The following RGL1 variants were observed in gnomAD, a reference collection of about 807,000 sequenced individuals.
RGL1 encodes the protein ral guanine nucleotide dissociation stimulator like 1.
In RGL1, 24 loss-of-function variants were observed where a neutral mutation model predicts 95.2. That is an observed-to-expected ratio of 0.25 (90% CI 0.18 to 0.35). The LOEUF (loss-of-function observed/expected upper bound fraction) is 0.35. Among genes scored for constraint, RGL1 ranks in the 10% least tolerant of loss-of-function variants. The probability of loss-of-function intolerance (pLI) is 1.00; values close to 1 mark genes in which losing one functional copy is unlikely to be tolerated. For synonymous variants in RGL1, 329 were observed against 344.9 expected (o/e 0.95, Z 0.51); for missense variants, 715 against 936.3 (o/e 0.76, Z 3.08).
chr1:183,788,301 T>A (rs1337890569), intron 2 of RGL1, among the ~76,000 whole-genome samples: 2 of 152,092 alleles, frequency 1.3e-5, no homozygotes, highest in East Asian at 3.9e-4. Flanking sequence ...CCAAGCACAT[T>A]AAAAGATGAG....
At chr1:183,779,337 C>T (rs1451181800) in intron 2 of RGL1, among the ~76,000 whole-genome samples, 1 of 151,952 alleles carries the variant, frequency 6.6e-6, no homozygotes, top group Non-Finnish European at 1.5e-5. Flanking sequence ...CAACCTCTGC[C>T]TCCTGGGTTC....
chr1:183,846,711 C>T (rs1203449926), intron 2 of RGL1, among the ~76,000 whole-genome samples: 1 of 151,938 alleles, frequency 6.6e-6, no homozygotes, highest in Non-Finnish European at 1.5e-5. Flanking sequence ...GAAAACCTGT[C>T]TCTCCTAAAA....
intron 4 of RGL1, among the ~76,000 whole-genome samples, chr1:183,878,033 TAGA>T (rs1294540778): frequency 6.6e-6 from 1 of 152,154 alleles, no homozygotes; most frequent in African/African-American, 2.4e-5. Flanking sequence ...TGCCTTCCAG[TAGA>T]AGAATACTTA....
intron 2 of RGL1, among the ~76,000 whole-genome samples, chr1:183,791,699 GAT>G (rs1660448342): frequency 6.6e-6 from 1 of 152,148 alleles, no homozygotes; most frequent in African/African-American, 2.4e-5. Flanking sequence ...AGCATCTTTT[GAT>G]AAGTGTGGAA....
chr1:183,774,765 G>A (rs1047518695), intron 2 of RGL1, among the ~76,000 whole-genome samples: 1 of 151,876 alleles, frequency 6.6e-6, no homozygotes, highest in South Asian at 2.1e-4. Context: ...TAGTAGAGAC[G>A]GGGTGTCACC....
At chr1:183,735,744 G>GGAATCTGT (rs1177187970) in intron 1 of RGL1, among the ~76,000 whole-genome samples, 2 of 152,206 alleles carry the variant, frequency 1.3e-5, no homozygotes, top group Non-Finnish European at 2.9e-5. Flanking sequence ...CAGGGCAGTA[G>GGAATCTGT]GAATCTGTCT....
chr1:183,713,388 C>G (rs868331380), intron 1 of RGL1, among the ~76,000 whole-genome samples: 21 of 130,150 alleles, frequency 1.6e-4, no homozygotes, highest in Non-Finnish European at 2.8e-4. Flanking sequence ...CCCCCCCCCC[C>G]GCTTTTATAA....
Position 183,903,688 on chromosome 1 carries a change from A to G in RGL1, c.1350+1088A>G, listed in dbSNP as rs570681466. ...CAACCTGAAAAGGGTTTGTGAGCAG[A>G]AGTAGTGGGTGTTAGAGAAGTATAT... On this transcript the variant is annotated intron_variant, in intron 12 of 17. Coordinates refer to ENST00000360851, the MANE Select transcript of RGL1 (RefSeq NM_001297671.3). Among the ~76,000 whole-genome samples the G allele has an allele frequency of 3.9e-5, 6 of 152,320 alleles. No individual in the cohort carries two copies. In the South Asian group the frequency reaches 1.2e-3, roughly 32 times the overall value.
intron 2 of RGL1, among the ~76,000 whole-genome samples, chr1:183,764,634 A>C (rs934423948): frequency 2.0e-5 from 3 of 152,170 alleles, no homozygotes; most frequent in Non-Finnish European, 2.9e-5. Flanking sequence ...TCTATTTATC[A>C]GTTCCTCAAT....
chr1:183,696,432 G>A (rs1386638790), intron 1 of RGL1, among the ~76,000 whole-genome samples: 1 of 152,168 alleles, frequency 6.6e-6, no homozygotes, highest in Non-Finnish European at 1.5e-5. Flanking sequence ...GCATAGGAAG[G>A]AAGTTAATCC....
chr1:183,759,348 A>T (rs1030116751), intron 2 of RGL1, among the ~76,000 whole-genome samples: 3 of 152,184 alleles, frequency 2.0e-5, no homozygotes, highest in Non-Finnish European at 4.4e-5. Flanking sequence ...TTTCTGCTAT[A>T]GGAGTAGTTT....
At chr1:183,836,269 A>G (rs1172122091) in intron 2 of RGL1, among the ~76,000 whole-genome samples, 3 of 150,774 alleles carry the variant, frequency 2.0e-5, no homozygotes, top group African/African-American at 7.4e-5. Flanking sequence ...TTTTTTTTTT[A>G]GACGGAGTTT....
At chr1:183,909,568 C>T (rs1668529239) in intron 14 of RGL1, among the ~76,000 whole-genome samples, 2 of 152,148 alleles carry the variant, frequency 1.3e-5, no homozygotes, top group South Asian at 4.1e-4. Flanking sequence ...CCCTGTAATG[C>T]TCCTGTAATG....
upstream of RGL1, chr1:183,805,102 G>T: frequency 1.8e-6 from 1 of 542,604 alleles, no homozygotes. Flanking sequence ...TTGCTCGCTC[G>T]CTCGCCGCGC....
At chr1:183,826,418 G>C (rs1307848702) in intron 2 of RGL1, among the ~76,000 whole-genome samples, 1 of 152,122 alleles carries the variant, frequency 6.6e-6, no homozygotes, top group Non-Finnish European at 1.5e-5. Flanking sequence ...TTGATTGATT[G>C]ATTGCTGCTT....
At chr1:183,839,106 G>A (rs1663860545) in intron 2 of RGL1, among the ~76,000 whole-genome samples, 1 of 152,202 alleles carries the variant, frequency 6.6e-6, no homozygotes, top group African/African-American at 2.4e-5. Context: ...ATGTGCAAGT[G>A]CCTCTTCTGG....
chr1:183,889,865 A>T (rs574616772), intron 8 of RGL1, among the ~76,000 whole-genome samples: 2 of 152,314 alleles, frequency 1.3e-5, no homozygotes, highest in East Asian at 3.9e-4. Flanking sequence ...TTCAAAGACC[A>T]ATGCAATTTT....
At chr1:183,689,450 TTTTTTTTAGCATCTA>T (rs1318546430) in intron 1 of RGL1, among the ~76,000 whole-genome samples, 1 of 152,052 alleles carries the variant, frequency 6.6e-6, no homozygotes, top group Non-Finnish European at 1.5e-5. Context: ...TTCATACCAA[TTTTTTTTAGCATCTA>T]TTTCAAGCAC....
At chr1:183,639,282 C>CAAAAAAAAA (rs1306405130) in intron 1 of RGL1, among the ~76,000 whole-genome samples, 1 of 70,842 alleles carries the variant, frequency 1.4e-5, no homozygotes, top group Non-Finnish European at 3.1e-5. Context: ...CACTTCATCT[C>CAAAAAAAAA]AAAAAAAAAA....
Sources: gnomAD v4.1 joint callset for allele counts (sites outside exome capture counted in the v4.1 genomes callset) on GRCh38, gnomAD v4.1.1 for gene constraint, MANE v1.5 for transcripts, NCBI Gene and HGNC (gene_info 2026-07-23, HGNC 2026-07-21) for gene names.